Variants in SGCD observed in about 807,000 individuals in gnomAD.
SGCD encodes the protein sarcoglycan delta.
A neutral mutation model predicts 36.6 loss-of-function variants in SGCD; 18 were observed. That is an observed-to-expected ratio of 0.49 (90% CI 0.34 to 0.73). SGCD has a LOEUF of 0.73. Among genes scored for constraint, SGCD ranks in the 30% least tolerant of loss-of-function variants. SGCD has a pLI of 0.01. For missense variants in SGCD, 387 were observed against 346.7 expected (o/e 1.12, Z -0.92); for synonymous variants, 133 against 130.6 (o/e 1.02, Z -0.12).
intron 1 of SGCD, among the ~76,000 whole-genome samples, chr5:156,042,826 G>A (rs1581058528): frequency 6.6e-6 from 1 of 152,168 alleles, no homozygotes; most frequent in South Asian, 2.1e-4. Context: ...TGTGAATCTT[G>A]TGACCTACAG....
Position 156,051,930 on chromosome 5 carries a change from C to T in SGCD, c.-281-65948C>T, listed in dbSNP as rs879003128. Among the ~76,000 whole-genome samples the T allele has an allele frequency of 4.1e-5, 6 of 145,278 alleles. 1 individual carries two copies. The highest frequency in any genetic ancestry group is 9.3e-5 in the Non-Finnish European group (6 of 64,536). On this transcript the variant is annotated intron_variant, in intron 1 of 9. Coordinates refer to the SGCD transcript ENST00000517913. ...GTGAAATGCTGGTGGAGGTGGAAGGCGTTATGATGTTGTGTCAGGCCTTTT... is the reference window on the plus strand; with the variant it reads ...GTGAAATGCTGGTGGAGGTGGAAGGTGTTATGATGTTGTGTCAGGCCTTTT...
intron 6 of SGCD, among the ~76,000 whole-genome samples, chr5:156,610,009 A>T (rs1034320659): frequency 6.6e-6 from 1 of 152,112 alleles, no homozygotes; most frequent in Non-Finnish European, 1.5e-5. Context: ...TTTAGCTCAG[A>T]GTAGTTTGAT....
chr5:156,714,978 G>T (rs751759332), intron 7 of SGCD, among the ~76,000 whole-genome samples: 12 of 152,156 alleles, frequency 7.9e-5, no homozygotes, highest in Non-Finnish European at 1.3e-4. Context: ...TTCTACCGTT[G>T]ACTGGAGAAA....
At chr5:155,922,162 T>G (rs1045785656) in intron 1 of SGCD, among the ~76,000 whole-genome samples, 2 of 152,234 alleles carry the variant, frequency 1.3e-5, no homozygotes, top group African/African-American at 4.8e-5. Context: ...TTCTTTGTCC[T>G]TAAGATGTTT....
At chr5:156,455,402 C>A (rs995002554) in intron 3 of SGCD, among the ~76,000 whole-genome samples, 8 of 151,940 alleles carry the variant, frequency 5.3e-5, no homozygotes, top group African/African-American at 1.9e-4. Flanking sequence ...TCCCCAGGTA[C>A]CTTTGCTGAG....
chr5:156,679,413 A>G (rs575791810), intron 7 of SGCD, among the ~76,000 whole-genome samples: 1 of 152,324 alleles, frequency 6.6e-6, no homozygotes, highest in South Asian at 2.1e-4. Context: ...ATAATGGAAA[A>G]TTCTGAGAAA....
chr5:156,046,847 A>C (rs1249311057), intron 1 of SGCD, among the ~76,000 whole-genome samples: 1 of 152,172 alleles, frequency 6.6e-6, no homozygotes, highest in African/African-American at 2.4e-5. Context: ...AAAAATGATT[A>C]AGCTTAGCAA....
At chr5:156,398,542 A>T (rs906427798) in intron 3 of SGCD, among the ~76,000 whole-genome samples, 1 of 152,194 alleles carries the variant, frequency 6.6e-6, no homozygotes, top group African/African-American at 2.4e-5. Context: ...TATTCACCAA[A>T]ATAATAGGTG....
intron 6 of SGCD, among the ~76,000 whole-genome samples, chr5:156,602,344 A>ATT (rs150824354): frequency 2.8e-4 from 42 of 150,618 alleles, no homozygotes; most frequent in African/African-American, 9.0e-4. Context: ...AATTCTAATA[A>ATT]TTTTTTTTTT....
the SGCD span, among the ~76,000 whole-genome samples, chr5:155,793,970 AGAG>A: frequency 2.0e-5 from 3 of 147,168 alleles, no homozygotes; most frequent in African/African-American, 5.0e-5. Flanking sequence ...AAAAAAAAAA[AGAG>A]AGAGAAAGAA....
intron 4 of SGCD, among the ~76,000 whole-genome samples, chr5:156,570,288 G>A (rs1477966060): frequency 3.3e-5 from 5 of 152,040 alleles, no homozygotes; most frequent in African/African-American, 4.8e-5. Context: ...TGAAAATAAC[G>A]TAGATTCTCA....
At position 156,764,635 on chromosome 5, in the gene SGCD, G is replaced by A. The variant is rs2113207003; in HGVS notation, c.*5245G>A. ...TTTGGGGCAACTCATGCTCACACATGCTGTTTTCTTTGGTTCTCCCCCTAC... is the reference window on the plus strand; with the variant it reads ...TTTGGGGCAACTCATGCTCACACATACTGTTTTCTTTGGTTCTCCCCCTAC... On this transcript the variant is annotated 3_prime_UTR_variant, in exon 9 of 9. Coordinates refer to ENST00000337851, the MANE Select transcript of SGCD (RefSeq NM_000337.6). 6.6e-6 allele frequency: 1 copy of A among 152,516 alleles called. No individual in the cohort carries two copies. The highest frequency in any genetic ancestry group is 1.9e-4 in the East Asian group (1 of 5,190). The allele number at this position is 152,516 out of a possible 1,614,324, so 9.4% of individuals were successfully genotyped here.
intron 3 of SGCD, among the ~76,000 whole-genome samples, chr5:156,249,422 A>G (rs1765520512): frequency 6.6e-6 from 1 of 152,254 alleles, no homozygotes; most frequent in Middle Eastern, 3.2e-3. Flanking sequence ...AGTAATTCAC[A>G]GTTTTGATGG....
intron 3 of SGCD, among the ~76,000 whole-genome samples, chr5:156,393,580 C>T (rs1771695368): frequency 6.6e-6 from 1 of 152,210 alleles, no homozygotes; most frequent in Admixed American, 6.5e-5. Context: ...CTGTGCATCT[C>T]TTCTCTGCTC....
At chr5:156,450,525 G>C (rs908589625) in intron 3 of SGCD, among the ~76,000 whole-genome samples, 14 of 146,428 alleles carry the variant, frequency 9.6e-5, no homozygotes, top group African/African-American at 3.6e-4. Flanking sequence ...ACAGTAAGCT[G>C]AGACATTCAT....
intron 1 of SGCD, among the ~76,000 whole-genome samples, chr5:156,070,560 A>G (rs1760515436): frequency 6.6e-6 from 1 of 151,174 alleles, no homozygotes; most frequent in South Asian, 2.1e-4. Context: ...TTTTTGCATC[A>G]GTGTTCATCA....
intron 7 of SGCD, among the ~76,000 whole-genome samples, chr5:156,653,330 G>A (rs1763535625): frequency 6.6e-6 from 1 of 151,758 alleles, no homozygotes; most frequent in African/African-American, 2.4e-5. Context: ...GGGAGGTTGT[G>A]TATTTCCATG....
intron 2 of SGCD, among the ~76,000 whole-genome samples, chr5:156,339,499 TATTCATTCATTGAACAAATGTACACTC>T (rs1182212623): frequency 1.3e-5 from 2 of 152,258 alleles, no homozygotes; most frequent in African/African-American, 2.4e-5. Context: ...TTTATTCATT[TATTCATTCATTGAACAAATGTACACTC>T]ATTCATTCAT....
the SGCD span, among the ~76,000 whole-genome samples, chr5:155,830,276 G>T: frequency 2.6e-5 from 4 of 152,186 alleles, no homozygotes; most frequent in Non-Finnish European, 5.9e-5. Flanking sequence ...CCCTCTCCTT[G>T]TCTTGCAGAA....
Sources: gnomAD v4.1 joint callset for allele counts (sites outside exome capture counted in the v4.1 genomes callset) on GRCh38, gnomAD v4.1.1 for gene constraint, MANE v1.5 for transcripts, NCBI Gene and HGNC (gene_info 2026-07-23, HGNC 2026-07-21) for gene names.